The following ZDHHC14 variants were observed in gnomAD, a reference collection of about 807,000 sequenced individuals.
The protein encoded by ZDHHC14 is palmitoyltransferase ZDHHC14.
In ZDHHC14, 16 loss-of-function variants were observed where a neutral mutation model predicts 47.7. The observed-to-expected ratio is 0.34, with a 90% CI of 0.23 to 0.51. The LOEUF (loss-of-function observed/expected upper bound fraction) is 0.51. Ranked by LOEUF, ZDHHC14 falls within the 20% of genes least tolerant of loss-of-function variation. The pLI, the probability that ZDHHC14 is intolerant of heterozygous loss-of-function variation, is 0.97. For missense variants in ZDHHC14, 515 were observed against 662.5 expected, an observed-to-expected ratio of 0.78 and a Z score of 2.44; for synonymous variants, 293 against 278.9, an observed-to-expected ratio of 1.05 and a Z score of -0.50.
Position 157,502,009 on chromosome 6 carries a change from C to T in ZDHHC14, c.246-40576C>T, listed in dbSNP as rs1260418355. 6.6e-6 allele frequency among the ~76,000 whole-genome samples: 1 copy of T among 152,188 alleles called. No homozygotes were observed. The highest frequency in any genetic ancestry group is 1.9e-4 in the East Asian group (1 of 5,200). On this transcript the variant is annotated intron_variant, in intron 1 of 8. Transcript: ENST00000359775. This position sits in a 1 kb window ranked among gnomAD's most constrained non-coding sequence, Gnocchi z 4.0. ...CAGTCTTCATGCACTCCCCCAATGGCATTAACACCACAGATATGTACGGAG... is the reference window on the plus strand; with the variant it reads ...CAGTCTTCATGCACTCCCCCAATGGTATTAACACCACAGATATGTACGGAG...
chr6:157,541,291 C>T (rs922993782), intron 1 of ZDHHC14, among the ~76,000 whole-genome samples: 5 of 152,128 alleles, frequency 3.3e-5, no homozygotes, highest in African/African-American at 4.8e-5. Context: ...CTCTTGAAGG[C>T]TGGTGCACTA....
chr6:157,557,850 T>C (rs1318932503), intron 2 of ZDHHC14, among the ~76,000 whole-genome samples: 3 of 152,262 alleles, frequency 2.0e-5, no homozygotes, highest in Admixed American at 2.0e-4. Context: ...TACTGGGGAC[T>C]GCTCTCACTT....
chr6:157,659,360 C>T (rs77117788), intron 8 of ZDHHC14, among the ~76,000 whole-genome samples: 1,956 of 152,296 alleles, frequency 0.013, 24 homozygotes, highest in African/African-American at 0.027. Flanking sequence ...GCGTGGTCTC[C>T]GGGCCCCGCA....
chr6:157,617,533 T>C (rs1346273981), intron 3 of ZDHHC14, among the ~76,000 whole-genome samples: 1 of 152,142 alleles, frequency 6.6e-6, no homozygotes, highest in African/African-American at 2.4e-5. Context: ...TGCTACAAGA[T>C]CCCAGAAACG....
At chr6:157,398,817 C>T (rs1234108669) in intron 1 of ZDHHC14, among the ~76,000 whole-genome samples, 1 of 152,180 alleles carries the variant, frequency 6.6e-6, no homozygotes, top group Non-Finnish European at 1.5e-5. Context: ...TCCTCTGAAA[C>T]GATGGCTTAT....
intron 2 of ZDHHC14, among the ~76,000 whole-genome samples, chr6:157,576,003 G>T (rs924026296): frequency 6.6e-6 from 1 of 152,180 alleles, no homozygotes; most frequent in Admixed American, 6.5e-5. Flanking sequence ...TCGCTCTCTT[G>T]CTTCTGACTC....
At chr6:157,456,685 A>AT (rs989764155) in intron 1 of ZDHHC14, among the ~76,000 whole-genome samples, 3 of 152,156 alleles carry the variant, frequency 2.0e-5, no homozygotes, top group Non-Finnish European at 4.4e-5. Context: ...AGGTTTTTAC[A>AT]TTTTTTTAAA....
intron 1 of ZDHHC14, among the ~76,000 whole-genome samples, chr6:157,455,672 C>T (rs1384217046): frequency 6.6e-6 from 1 of 152,148 alleles, no homozygotes; most frequent in Admixed American, 6.5e-5. Context: ...CTCGCTCCTC[C>T]GGCAGGAACC....
rs1281334773 is a variant in ZDHHC14 at position 157,427,510 on chromosome 6, G to T, written c.245+45244G>T. On this transcript the variant is annotated intron_variant, in intron 1 of 8. Transcript: ENST00000359775. This position sits in a 1 kb window ranked among gnomAD's most constrained non-coding sequence, Gnocchi z 4.4. ...AGGATGGTTGGCTGGGTTCACTCAG[G>T]GTTGGAGTTTAACAGAGCAAATGCA... 2.0e-5 allele frequency among the ~76,000 whole-genome samples: 3 copies of T among 152,088 alleles called. No individual in the cohort carries two copies. Among genetic ancestry groups the T allele is most frequent in the Admixed American group, 2.0e-4 (3 of 15,274 alleles).
chr6:157,578,333 T>C (rs1442084285), intron 2 of ZDHHC14, among the ~76,000 whole-genome samples: 1 of 152,226 alleles, frequency 6.6e-6, no homozygotes, highest in Non-Finnish European at 1.5e-5. Context: ...AGGTTTTACA[T>C]TTAAGTCTTT....
intron 1 of ZDHHC14, among the ~76,000 whole-genome samples, chr6:157,542,086 T>C (rs1392969916): frequency 1.3e-5 from 2 of 152,182 alleles, no homozygotes; most frequent in African/African-American, 2.4e-5. Context: ...TTTGAAAGTG[T>C]GTGTACAGTC....
At chr6:157,400,783 G>A (rs909847763) in intron 1 of ZDHHC14, among the ~76,000 whole-genome samples, 8 of 152,190 alleles carry the variant, frequency 5.3e-5, no homozygotes, top group African/African-American at 1.9e-4. Context: ...GATGCCCCTG[G>A]CAGTAACCCT....
At chr6:157,452,483 A>G (rs151104574) in intron 1 of ZDHHC14, among the ~76,000 whole-genome samples, 201 of 152,254 alleles carry the variant, frequency 1.3e-3, no homozygotes, top group African/African-American at 4.7e-3. Context: ...ATTGCCTAAC[A>G]AAATTCTATT....
intron 1 of ZDHHC14, among the ~76,000 whole-genome samples, chr6:157,391,457 A>G (rs1777417372): frequency 6.6e-6 from 1 of 152,164 alleles, no homozygotes; most frequent in Admixed American, 6.5e-5. Context: ...TAGGCTTCAG[A>G]GAAGATGTCT....
Position 157,400,595 on chromosome 6 carries a change from A to G in ZDHHC14, c.245+18329A>G, listed in dbSNP as rs146689081. Among the ~76,000 whole-genome samples, 250 of 152,296 alleles carry G rather than the reference A, an allele frequency of 1.6e-3. 1 individual carries two copies. Among genetic ancestry groups the G allele is most frequent in the African/African-American group, 5.7e-3 (235 of 41,560 alleles). On this transcript the variant is annotated intron_variant, in intron 1 of 8. Transcript: ENST00000359775. ...AAATAATGCTTTGATTTCATGACCC[A>G]CAACCTGCAACTTGGAAAACACTAC...
chr6:157,645,008 TCCTG>T (rs2114979641), intron 5 of ZDHHC14, among the ~76,000 whole-genome samples: 1 of 152,220 alleles, frequency 6.6e-6, no homozygotes, highest in East Asian at 1.9e-4. Context: ...TCTCTCTATG[TCCTG>T]CGAGAACTCG....
At chr6:157,395,434 G>GA (rs1777502146) in intron 1 of ZDHHC14, among the ~76,000 whole-genome samples, 1 of 151,200 alleles carries the variant, frequency 6.6e-6, no homozygotes, top group Non-Finnish European at 1.5e-5. Flanking sequence ...CCAAAGTGCT[G>GA]AGATTACAGG....
intron 8 of ZDHHC14, among the ~76,000 whole-genome samples, chr6:157,657,543 C>G (rs1652538): frequency 1.3e-5 from 2 of 151,960 alleles, no homozygotes; most frequent in Admixed American, 1.3e-4. Flanking sequence ...GATATGTGCA[C>G]GAAATCTCAG....
chr6:157,472,039 C>T (rs1458655744), intron 1 of ZDHHC14, among the ~76,000 whole-genome samples: 1 of 152,166 alleles, frequency 6.6e-6, no homozygotes, highest in Non-Finnish European at 1.5e-5. Flanking sequence ...GAAGAGCAGT[C>T]CTGGCACCCC....
Sources: allele counts gnomAD v4.1 joint callset (sites outside exome capture counted in the v4.1 genomes callset), GRCh38; gene constraint gnomAD v4.1.1; non-coding constraint Gnocchi (gnomAD v3.1); transcripts MANE v1.5; gene names NCBI Gene and HGNC (gene_info 2026-07-23, HGNC 2026-07-21).